The following PMFBP1 variants were observed in gnomAD, a reference collection of about 807,000 sequenced individuals.
The protein encoded by PMFBP1 is polyamine modulated factor 1 binding protein 1.
A neutral mutation model predicts 137.8 loss-of-function variants in PMFBP1; 131 were observed. The ratio of observed to expected loss-of-function variants is 0.95; its 90% CI spans 0.82 to 1.10. The LOEUF is 1.10. Ranked by LOEUF, PMFBP1 falls within the 50% of genes least tolerant of loss-of-function variation. The pLI, the probability that PMFBP1 is intolerant of heterozygous loss-of-function variation, is 0.00. For synonymous variants in PMFBP1, 490 were observed against 450.4 expected (o/e 1.09, Z -1.11); for missense variants, 1,199 against 1,175.4 (o/e 1.02, Z -0.29).
chr16:72,207,378 T>G, the PMFBP1 span, among the ~76,000 whole-genome samples: 1 of 151,728 alleles, frequency 6.6e-6, no homozygotes, highest in Non-Finnish European at 1.5e-5. Context: ...AGCAAGAGAA[T>G]CAAGAAGAAA....
At chr16:72,141,504 C>A (rs1192506333) in intron 5 of PMFBP1, among the ~76,000 whole-genome samples, 1 of 152,122 alleles carries the variant, frequency 6.6e-6, no homozygotes, top group Non-Finnish European at 1.5e-5. Flanking sequence ...GAACTTTATA[C>A]TATATTTACA....
chr16:72,140,928 CTTTTTTT>C (rs35908141), intron 5 of PMFBP1, among the ~76,000 whole-genome samples: 2 of 69,796 alleles, frequency 2.9e-5, no homozygotes, highest in South Asian at 6.3e-4. Context: ...ACAAATGAGT[CTTTTTTT>C]TTTTTTTTTT....
Position 72,136,618 on chromosome 16 carries a change from G to A in PMFBP1, c.1046-13C>T, listed in dbSNP as rs1299565824. The A allele has an allele frequency of 1.9e-5, 30 of 1,613,920 alleles. No homozygotes were observed. The highest frequency in any genetic ancestry group is 5.3e-5 in the African/African-American group (4 of 74,874). On this transcript the variant is annotated splice_polypyrimidine_tract_variant and intron_variant, in intron 8 of 20. Transcript: ENST00000237353. ...AGCTTCATCATGTCTACCATGGGGC[G>A]GGACAGAGTCTATGCTCAGGGGAGA... is the stretch of plus-strand genomic sequence containing the variant.
At chr16:72,166,211 G>T (rs1408596214) in intron 2 of PMFBP1, among the ~76,000 whole-genome samples, 1 of 152,120 alleles carries the variant, frequency 6.6e-6, no homozygotes, top group Non-Finnish European at 1.5e-5. Flanking sequence ...GAGGGACCTG[G>T]TGGGAGGTGA....
the PMFBP1 span, among the ~76,000 whole-genome samples, chr16:72,206,553 A>G: frequency 6.6e-6 from 1 of 152,336 alleles, no homozygotes; most frequent in South Asian, 2.1e-4. Context: ...GGAAACTCAC[A>G]ACAGTCCATG....
At chr16:72,227,516 T>C in the PMFBP1 span, among the ~76,000 whole-genome samples, 1 of 152,194 alleles carries the variant, frequency 6.6e-6, no homozygotes, top group Non-Finnish European at 1.5e-5. Flanking sequence ...ATTGGGATGA[T>C]TCTATATTTT....
At chr16:72,119,753 G>A in intron 20 of PMFBP1, 98 bp downstream of exon 20, 2 of 1,539,294 alleles carry the variant, frequency 1.3e-6, no homozygotes, top group Non-Finnish European at 1.7e-6. Context: ...ATGACTTGAG[G>A]CCACAAAAGG....
At chr16:72,117,496 C>A (rs1161822284), downstream of PMFBP1, among the ~76,000 whole-genome samples, 1 of 151,982 alleles carries the variant, frequency 6.6e-6, no homozygotes, top group African/African-American at 2.4e-5. Flanking sequence ...AGTTTGAATC[C>A]CTTTTATTTC....
chr16:72,218,682 A>G, the PMFBP1 span, among the ~76,000 whole-genome samples: 1 of 152,360 alleles, frequency 6.6e-6, no homozygotes, highest in East Asian at 1.9e-4. Flanking sequence ...AACATTCCAG[A>G]AAGTACAGTG....
chr16:72,155,962 T>A (rs2042974435), intron 3 of PMFBP1, among the ~76,000 whole-genome samples: 1 of 152,128 alleles, frequency 6.6e-6, no homozygotes, highest in Non-Finnish European at 1.5e-5. Context: ...AATATGTCAT[T>A]TTTTGGCTTC....
At chr16:72,125,913 C>A (rs1334824860) in intron 15 of PMFBP1, 55 bp downstream of exon 15, 1 of 1,585,282 alleles carries the variant, frequency 6.3e-7, no homozygotes, top group African/African-American at 1.4e-5. Context: ...TCTCCCGCTA[C>A]CTTGACGTTT....
At chr16:72,212,612 A>ACC in the PMFBP1 span, among the ~76,000 whole-genome samples, 4 of 152,210 alleles carry the variant, frequency 2.6e-5, no homozygotes, top group Non-Finnish European at 4.4e-5. Flanking sequence ...CATCCAACTG[A>ACC]TAGGAATTCT....
the PMFBP1 span, among the ~76,000 whole-genome samples, chr16:72,245,034 TC>T: frequency 2.6e-5 from 4 of 152,084 alleles, no homozygotes; most frequent in African/African-American, 7.2e-5. Flanking sequence ...TTGCATTTAC[TC>T]CTTACTCCCC....
chr16:72,178,516 G>A (rs188160320), upstream of PMFBP1, among the ~76,000 whole-genome samples: 3 of 151,944 alleles, frequency 2.0e-5, no homozygotes, highest in Admixed American at 6.5e-5. Context: ...ACATTTATTC[G>A]CTGGAACTCT....
At chr16:72,206,126 G>A in the PMFBP1 span, among the ~76,000 whole-genome samples, 1 of 152,184 alleles carries the variant, frequency 6.6e-6, no homozygotes, top group Non-Finnish European at 1.5e-5. Flanking sequence ...GGCAGAGACA[G>A]GACAGAAGCA....
chr16:72,205,166 C>G, the PMFBP1 span, among the ~76,000 whole-genome samples: 2 of 152,196 alleles, frequency 1.3e-5, no homozygotes, highest in African/African-American at 4.8e-5. Context: ...GATGTGGAAG[C>G]TTCATGGGGA....
chr16:72,131,557 C>T (rs1028853013), intron 10 of PMFBP1, among the ~76,000 whole-genome samples: 1 of 152,120 alleles, frequency 6.6e-6, no homozygotes, highest in Non-Finnish European at 1.5e-5. Flanking sequence ...TTGGAGTTAC[C>T]TGTAGAGAAA....
chr16:72,195,581 G>A, the PMFBP1 span, among the ~76,000 whole-genome samples: 2 of 152,324 alleles, frequency 1.3e-5, no homozygotes, highest in East Asian at 3.9e-4. Context: ...GAACTCAAAT[G>A]CTACATAGTC....
chr16:72,155,477 C>G (rs758475392), intron 3 of PMFBP1, among the ~76,000 whole-genome samples: 1 of 152,176 alleles, frequency 6.6e-6, no homozygotes, highest in East Asian at 1.9e-4. Flanking sequence ...ATTTTAACTT[C>G]TAATTAGATT....
Sources: gnomAD v4.1 joint callset for allele counts (sites outside exome capture counted in the v4.1 genomes callset) on GRCh38, gnomAD v4.1.1 for gene constraint, MANE v1.5 for transcripts, NCBI Gene and HGNC (gene_info 2026-07-23, HGNC 2026-07-21) for gene names.